The following ERBIN variants were observed in gnomAD, a reference collection of about 807,000 sequenced individuals.
ERBIN encodes densin-180-like protein.
In ERBIN, 60 loss-of-function variants were observed where a neutral mutation model predicts 158.4. The observed-to-expected ratio is 0.38, with a 90% confidence interval of 0.31 to 0.47. ERBIN has a LOEUF of 0.47. Among genes scored for constraint, ERBIN ranks in the 20% least tolerant of loss-of-function variants. ERBIN has a pLI of 0.99. For missense variants in ERBIN, 1,610 were observed against 1,648.0 expected, an observed-to-expected ratio of 0.98 and a Z score of 0.40; for synonymous variants, 594 against 557.2, an observed-to-expected ratio of 1.07 and a Z score of -0.93.
Position 66,053,713 on chromosome 5 carries a change from A to T in ERBIN, c.2395A>T (p.Asn799Tyr). The change falls in exon 21 of 26, where the codon AAT becomes TAT. Residue 799 changes from asparagine to tyrosine, a missense_variant. By Grantham distance (143) the Asn-to-Tyr change is moderately radical. Transcript: ENST00000284037. The stretch of plus-strand genomic sequence containing the variant: ...GCTTGGAACAAGCTTTTTAAGCATT[A>T]ATTCTAAAGAGGAAACTGAGCACTT... ...IVLGTSFLSI[N>Y]SKEETEHLEN... 6.2e-7 allele frequency: 1 copy of T among 1,613,924 alleles called. No individual in the cohort carries two copies.
intron 7 of ERBIN, among the ~76,000 whole-genome samples, chr5:66,016,884 G>C (rs1407985437): frequency 6.6e-6 from 1 of 151,940 alleles, no homozygotes; most frequent in Non-Finnish European, 1.5e-5. Context: ...CAGAGTGCTG[G>C]GATTACAGGC....
In ERBIN at chr5:65,976,631, G is replaced by T. The variant is rs546511585; in HGVS notation, c.-57-12004G>T. ...TCAGCAGATAAACAAGTGAACAAAG[G>T]TCTCTGGTTTTCCTAGGCAGAGGAC... On this transcript the variant is annotated intron_variant, in intron 1 of 25. Transcript: ENST00000284037. Among the ~76,000 whole-genome samples, 12 of 151,210 alleles carry T rather than the reference G, an allele frequency of 7.9e-5. No homozygotes were observed. The East Asian group carries it at 2.3e-3, about 29-fold the overall frequency.
intron 1 of ERBIN, among the ~76,000 whole-genome samples, chr5:65,985,702 A>G (rs746444217): frequency 3.9e-5 from 6 of 152,142 alleles, no homozygotes; most frequent in Non-Finnish European, 7.3e-5. Context: ...GTATCTCTTC[A>G]TTCATATTCG....
At chr5:66,002,305 T>C (rs1050471340) in intron 4 of ERBIN, among the ~76,000 whole-genome samples, 2 of 152,168 alleles carry the variant, frequency 1.3e-5, no homozygotes, top group African/African-American at 2.4e-5. Context: ...TTTAAAGTTA[T>C]AAAAAGTTCT....
At chr5:66,039,668 A>T (rs1757745748) in intron 15 of ERBIN, among the ~76,000 whole-genome samples, 1 of 152,094 alleles carries the variant, frequency 6.6e-6, no homozygotes, top group South Asian at 2.1e-4. Flanking sequence ...AGTAATCACT[A>T]TTGACAGCTT....
chr5:66,005,001 C>T (rs1278840019), intron 4 of ERBIN, among the ~76,000 whole-genome samples: 2 of 151,996 alleles, frequency 1.3e-5, no homozygotes, highest in South Asian at 2.1e-4. Context: ...TGACATTTAC[C>T]GTCAGTAGAA....
chr5:65,941,313 TAA>T (rs1217469941), intron 1 of ERBIN, among the ~76,000 whole-genome samples: 2,146 of 60,036 alleles, frequency 0.036, 28 homozygotes, highest in Non-Finnish European at 0.043. Flanking sequence ...GAATGATCAA[TAA>T]AAAAAAAAAA....
At chr5:66,070,102 T>C (rs1330606149) in intron 21 of ERBIN, among the ~76,000 whole-genome samples, 3 of 152,132 alleles carry the variant, frequency 2.0e-5, no homozygotes, top group Non-Finnish European at 4.4e-5. Context: ...TGGAGTGCAA[T>C]GGCGCGATCT....
intron 4 of ERBIN, among the ~76,000 whole-genome samples, chr5:65,997,559 A>G (rs1005556744): frequency 1.3e-5 from 2 of 152,220 alleles, no homozygotes; most frequent in African/African-American, 4.8e-5. Context: ...TATTTCTTTT[A>G]TAATTACAAA....
intron 1 of ERBIN, among the ~76,000 whole-genome samples, chr5:65,941,657 C>CA (rs1298652663): frequency 1.3e-5 from 2 of 152,110 alleles, no homozygotes; most frequent in Non-Finnish European, 2.9e-5. Context: ...AAATGTGTGA[C>CA]AAGGAAAAGG....
chr5:66,017,714 T>C (rs938950687), intron 7 of ERBIN, among the ~76,000 whole-genome samples: 1 of 152,074 alleles, frequency 6.6e-6, no homozygotes, highest in African/African-American at 2.4e-5. Context: ...CCTGTGGTTT[T>C]GAGGTCTTAC....
intron 1 of ERBIN, among the ~76,000 whole-genome samples, chr5:65,987,021 C>T (rs759015744): frequency 7.2e-5 from 11 of 152,086 alleles, no homozygotes; most frequent in South Asian, 2.1e-4. Flanking sequence ...TGTACACATA[C>T]GAGGCTAGAA....
At chr5:65,964,908 T>TTTTGTGTGTGTG (rs1748368637) in intron 1 of ERBIN, among the ~76,000 whole-genome samples, 2 of 107,260 alleles carry the variant, frequency 1.9e-5, no homozygotes, top group African/African-American at 7.9e-5. Context: ...CCTGGCTGAT[T>TTTTGTGTGTGTG]TGTGTGTGTG....
At chr5:66,019,483 A>G (rs1755460627) in intron 7 of ERBIN, among the ~76,000 whole-genome samples, 1 of 152,178 alleles carries the variant, frequency 6.6e-6, no homozygotes. Context: ...ATGGGAGAAA[A>G]TATGAGGGAT....
chr5:66,012,725 A>G (rs552884375), intron 5 of ERBIN, among the ~76,000 whole-genome samples: 1 of 152,334 alleles, frequency 6.6e-6, no homozygotes, highest in Admixed American at 6.5e-5. Context: ...CAGAACCAAC[A>G]TGTAAAGATT....
chr5:65,940,080 GCCATCCCATC>G (rs1308594957), intron 1 of ERBIN, among the ~76,000 whole-genome samples: 5 of 139,220 alleles, frequency 3.6e-5, no homozygotes, highest in Non-Finnish European at 6.3e-5. Flanking sequence ...CTGCCCGGCC[GCCATCCCATC>G]TAGGAAGTGA....
At chr5:66,017,939 C>A (rs1754964670) in intron 7 of ERBIN, among the ~76,000 whole-genome samples, 2 of 152,006 alleles carry the variant, frequency 1.3e-5, no homozygotes, top group Admixed American at 1.3e-4. Context: ...ATTGAAGAAA[C>A]TGTCTTTTCC....
rs894104879 is a variant in ERBIN at position 66,043,114 on chromosome 5, A to G, written c.1344A>G (p.Ser448=). ...CAGATAATGAAAGTTTTAACCCTTCATTGTGGGAGGAACAGAGGAAACAGC... is the reference window on the plus strand; with the variant it reads ...CAGATAATGAAAGTTTTAACCCTTCGTTGTGGGAGGAACAGAGGAAACAGC... The part of the protein sequence containing the change: ...FISDNESFNP[S]LWEEQRKQRA... Residue 448 remains serine (S), a synonymous_variant, in exon 16 of 26, where the codon TCA becomes TCG. Coordinates refer to ENST00000284037, the MANE Select transcript of ERBIN (RefSeq NM_001253697.2). The G allele has an allele frequency of 6.2e-7, 1 of 1,610,336 alleles. No individual in the cohort carries two copies.
At chr5:66,003,323 T>C (rs910682597) in intron 4 of ERBIN, among the ~76,000 whole-genome samples, 1 of 151,996 alleles carries the variant, frequency 6.6e-6, no homozygotes, top group African/African-American at 2.4e-5. Context: ...CAAAAACTCA[T>C]ATTATTGGGA....
Sources: gnomAD v4.1 joint callset for allele counts (sites outside exome capture counted in the v4.1 genomes callset) on GRCh38, gnomAD v4.1.1 for gene constraint, MANE v1.5 for transcripts, NCBI Gene and HGNC (gene_info 2026-07-23, HGNC 2026-07-21) for gene names.